Variants in CDK14 observed in about 807,000 individuals in gnomAD.
CDK14 encodes the protein cyclin dependent kinase 14.
A neutral mutation model predicts 60.7 loss-of-function variants in CDK14; 34 were observed. The ratio of observed to expected loss-of-function variants is 0.56; its 90% CI spans 0.43 to 0.75. CDK14 has a LOEUF of 0.75. Ranked by LOEUF, CDK14 falls within the 30% of genes least tolerant of loss-of-function variation. CDK14 has a pLI of 0.00. For synonymous variants in CDK14, 197 were observed against 203.7 expected, an observed-to-expected ratio of 0.97 and a Z score of 0.28; for missense variants, 482 against 564.1, an observed-to-expected ratio of 0.85 and a Z score of 1.47.
intron 11 of CDK14, among the ~76,000 whole-genome samples, chr7:91,066,071 CT>C (rs200441102): frequency 6.6e-6 from 1 of 151,372 alleles, no homozygotes; most frequent in Non-Finnish European, 1.5e-5. Flanking sequence ...ATCATTGCTA[CT>C]TTTTTTTTAC....
chr7:90,811,502 A>G (rs973898725), intron 5 of CDK14, among the ~76,000 whole-genome samples: 3 of 152,320 alleles, frequency 2.0e-5, no homozygotes, highest in South Asian at 2.1e-4. Flanking sequence ...TAGACCTCAA[A>G]CCATAAAAAC....
intron 11 of CDK14, among the ~76,000 whole-genome samples, chr7:91,051,826 T>G (rs1354853335): frequency 6.6e-6 from 1 of 152,192 alleles, no homozygotes; most frequent in Non-Finnish European, 1.5e-5. Context: ...TCTACCAGGT[T>G]TACCCCCTGC....
chr7:90,902,266 A>G (rs1204538883), intron 7 of CDK14, among the ~76,000 whole-genome samples: 2 of 152,178 alleles, frequency 1.3e-5, no homozygotes, highest in South Asian at 2.1e-4. Flanking sequence ...ATGGAACCAC[A>G]AAAGAACCCA....
intron 2 of CDK14, among the ~76,000 whole-genome samples, chr7:90,610,120 C>T (rs2116337499): frequency 6.6e-6 from 1 of 152,276 alleles, no homozygotes; most frequent in East Asian, 1.9e-4. Flanking sequence ...CTCTGCCTGT[C>T]CCATCCCATT....
At chr7:90,861,233 T>C (rs1052444636) in intron 5 of CDK14, among the ~76,000 whole-genome samples, 3 of 152,160 alleles carry the variant, frequency 2.0e-5, no homozygotes, top group Non-Finnish European at 4.4e-5. Context: ...TTACTGTTCC[T>C]ATGGGAGAAG....
intron 14 of CDK14, among the ~76,000 whole-genome samples, chr7:91,185,773 T>G (rs1031870447): frequency 4.0e-5 from 6 of 151,688 alleles, no homozygotes; most frequent in Non-Finnish European, 7.4e-5. Flanking sequence ...ATACTTTAAG[T>G]TTAAAGCAGT....
chr7:91,133,284 G>A (rs1800171882), intron 14 of CDK14, among the ~76,000 whole-genome samples: 1 of 151,948 alleles, frequency 6.6e-6, no homozygotes, highest in South Asian at 2.1e-4. Context: ...GCCCAGTTTT[G>A]CCTAAACTCA....
chr7:90,614,055 G>A (rs77883793), intron 2 of CDK14, among the ~76,000 whole-genome samples: 4,324 of 147,914 alleles, frequency 0.029, 187 homozygotes, highest in East Asian at 0.19. Context: ...TGCCTAGGCT[G>A]GAGTGCAATG....
chr7:91,088,113 A>G (rs1442180972), intron 12 of CDK14, among the ~76,000 whole-genome samples: 1 of 152,228 alleles, frequency 6.6e-6, no homozygotes, highest in African/African-American at 2.4e-5. Context: ...CATTTGGCCC[A>G]GTCATTTCAG....
At chr7:91,118,320 G>A in intron 14 of CDK14, 112 bp downstream of exon 14, 2 of 564,022 alleles carry the variant, frequency 3.5e-6, no homozygotes, top group Non-Finnish European at 6.3e-6. Flanking sequence ...AGTCTCTTGT[G>A]TGCATTATGG....
At chr7:90,824,621 C>G (rs1311014014) in intron 5 of CDK14, 1 of 152,146 alleles carries the variant, frequency 6.6e-6, no homozygotes, top group Non-Finnish European at 1.5e-5. Context: ...TGCTGTGCAG[C>G]CTTGGACAAG....
chr7:91,104,198 C>G (rs1245769724), intron 12 of CDK14, among the ~76,000 whole-genome samples: 1 of 152,112 alleles, frequency 6.6e-6, no homozygotes, highest in Non-Finnish European at 1.5e-5. Flanking sequence ...CATAGAGGCT[C>G]ATTGAGTACA....
chr7:90,665,615 G>A (rs1389322139), intron 2 of CDK14, among the ~76,000 whole-genome samples: 1 of 152,206 alleles, frequency 6.6e-6, no homozygotes, highest in Non-Finnish European at 1.5e-5. Flanking sequence ...GTTCTTTCAG[G>A]TGGTAGCAGA....
chr7:91,123,767 C>T (rs1387166532), intron 14 of CDK14, among the ~76,000 whole-genome samples: 1 of 152,080 alleles, frequency 6.6e-6, no homozygotes, highest in Non-Finnish European at 1.5e-5. Flanking sequence ...TACTGTGCAC[C>T]ACTACCACCC....
intron 2 of CDK14, among the ~76,000 whole-genome samples, chr7:90,654,187 G>A (rs1800705807): frequency 6.6e-6 from 1 of 152,064 alleles, no homozygotes; most frequent in South Asian, 2.1e-4. Context: ...TTCTTAGTAT[G>A]TTCAACCTTG....
chr7:91,015,758 A>G (rs1054025688), intron 10 of CDK14, among the ~76,000 whole-genome samples: 8 of 151,374 alleles, frequency 5.3e-5, no homozygotes, highest in African/African-American at 1.9e-4. Flanking sequence ...ACTTCATGGA[A>G]TATGGGTATG....
intron 7 of CDK14, among the ~76,000 whole-genome samples, chr7:90,903,716 G>C (rs1230861903): frequency 6.6e-6 from 1 of 151,946 alleles, no homozygotes; most frequent in Non-Finnish European, 1.5e-5. Flanking sequence ...GAAAAGATTT[G>C]GAATGTTCCC....
At chr7:91,079,559 G>A in intron 12 of CDK14, 79 bp downstream of exon 12, 1 of 1,023,424 alleles carries the variant, frequency 9.8e-7, no homozygotes, top group African/African-American at 1.6e-5. Context: ...GTTTTTCATG[G>A]CATTGTTGAT....
At chr7:90,726,906 C>G (rs1802657032) in intron 3 of CDK14, 94 bp downstream of exon 3, 10 of 1,443,368 alleles carry the variant, frequency 6.9e-6, no homozygotes, top group South Asian at 4.0e-5. Context: ...GAAACTTTAT[C>G]AGTGCCTTAT....
Sources: allele counts gnomAD v4.1 joint callset (sites outside exome capture counted in the v4.1 genomes callset), GRCh38; gene constraint gnomAD v4.1.1; transcripts MANE v1.5; gene names NCBI Gene and HGNC (gene_info 2026-07-23, HGNC 2026-07-21).